The following FOXP2 variants were observed in gnomAD, a reference collection of about 807,000 sequenced individuals.
The protein encoded by FOXP2 is forkhead box P2, also known as forkhead box protein P2.
A neutral mutation model predicts 115.8 loss-of-function variants in FOXP2; 12 were observed. That is an observed-to-expected ratio of 0.10 (90% CI 0.07 to 0.17). FOXP2 has a LOEUF of 0.17. Among genes scored for constraint, FOXP2 ranks in the 10% least tolerant of loss-of-function variants. The pLI is 1.00. For synonymous variants in FOXP2, 328 were observed against 297.7 expected (o/e 1.10, Z -1.05); for missense variants, 629 against 843.5 (o/e 0.75, Z 3.15).
At chr7:114,443,919 T>A (rs1422708447) in intron 2 of FOXP2, among the ~76,000 whole-genome samples, 1 of 152,198 alleles carries the variant, frequency 6.6e-6, no homozygotes, top group African/African-American at 2.4e-5. Context: ...ATGATTTATA[T>A]TCCTCTGGGT....
At chr7:114,685,269 C>T (rs1376971670) in intron 16 of FOXP2, among the ~76,000 whole-genome samples, 2 of 152,074 alleles carry the variant, frequency 1.3e-5, no homozygotes, top group Non-Finnish European at 2.9e-5. Flanking sequence ...CATATGCATA[C>T]AGTAGAGTCC....
intron 2 of FOXP2, among the ~76,000 whole-genome samples, chr7:114,341,818 A>T (rs1426286261): frequency 6.6e-6 from 1 of 151,254 alleles, no homozygotes; most frequent in Admixed American, 6.6e-5. Flanking sequence ...GACTGAATCA[A>T]CTTCCAGGCC....
chr7:114,399,416 T>G (rs1345103940), intron 2 of FOXP2, among the ~76,000 whole-genome samples: 1 of 152,144 alleles, frequency 6.6e-6, no homozygotes, highest in Non-Finnish European at 1.5e-5. Flanking sequence ...CCTTCACTTA[T>G]TTTTTCTTTT....
At chr7:114,606,344 C>A (rs1421543903) in intron 3 of FOXP2, among the ~76,000 whole-genome samples, 1 of 152,036 alleles carries the variant, frequency 6.6e-6, no homozygotes, top group Non-Finnish European at 1.5e-5. Flanking sequence ...GCTTCAAGGG[C>A]CGGTAGATAA....
At chr7:114,622,842 A>C (rs1456024) in intron 3 of FOXP2, among the ~76,000 whole-genome samples, 21,287 of 151,960 alleles carry the variant, frequency 0.14, 1,868 homozygotes, top group African/African-American at 0.25. Context: ...GACAAATAAA[A>C]GATTATTTTT....
At chr7:114,289,568 G>A (rs1427420830) in intron 2 of FOXP2, among the ~76,000 whole-genome samples, 9 of 151,810 alleles carry the variant, frequency 5.9e-5, no homozygotes, top group African/African-American at 1.4e-4. Flanking sequence ...AGCAGATGGA[G>A]TTTAGATTTA....
chr7:114,249,836 A>G (rs1300389983), intron 1 of FOXP2, among the ~76,000 whole-genome samples: 2 of 151,900 alleles, frequency 1.3e-5, no homozygotes, highest in African/African-American at 2.4e-5. Context: ...TCTAGGGTAC[A>G]TGTGCACAAC....
At chr7:114,573,646 C>A (rs1293050305) in intron 3 of FOXP2, among the ~76,000 whole-genome samples, 2 of 151,662 alleles carry the variant, frequency 1.3e-5, no homozygotes, top group Non-Finnish European at 3.0e-5. Flanking sequence ...GTTGATCAGC[C>A]TTCACACACA....
intron 2 of FOXP2, among the ~76,000 whole-genome samples, chr7:114,371,046 A>G (rs917397243): frequency 6.6e-6 from 1 of 152,162 alleles, no homozygotes; most frequent in Non-Finnish European, 1.5e-5. Flanking sequence ...GTAAAATGAA[A>G]GAATGTTAAA....
intron 1 of FOXP2, among the ~76,000 whole-genome samples, chr7:114,102,421 A>G (rs1474731498): frequency 1.3e-5 from 2 of 151,918 alleles, no homozygotes; most frequent in Non-Finnish European, 2.9e-5. Context: ...ATTGATCTCT[A>G]TTGCACTTTC....
intron 1 of FOXP2, among the ~76,000 whole-genome samples, chr7:114,263,292 G>C (rs568216938): frequency 6.6e-6 from 1 of 150,516 alleles, no homozygotes; most frequent in African/African-American, 2.4e-5. Flanking sequence ...CTTGAAATCT[G>C]GTCAATCATA....
At chr7:114,131,541 C>T (rs954782878) in intron 1 of FOXP2, among the ~76,000 whole-genome samples, 4 of 151,292 alleles carry the variant, frequency 2.6e-5, no homozygotes, top group African/African-American at 7.3e-5. Flanking sequence ...GTCGAGCCTG[C>T]TGCAAGGAAT....
intron 1 of FOXP2, among the ~76,000 whole-genome samples, chr7:114,211,261 C>G (rs1008251479): frequency 6.6e-6 from 1 of 152,214 alleles, no homozygotes; most frequent in African/African-American, 2.4e-5. Flanking sequence ...ATGTAAAACT[C>G]CTGGGTCTCT....
intron 2 of FOXP2, among the ~76,000 whole-genome samples, chr7:114,450,199 A>G (rs1795010480): frequency 6.6e-6 from 1 of 152,080 alleles, no homozygotes; most frequent in Non-Finnish European, 1.5e-5. Context: ...ACTTAACCAA[A>G]AACATATGTC....
chr7:114,398,017 G>A (rs925032445), intron 2 of FOXP2, among the ~76,000 whole-genome samples: 6 of 151,850 alleles, frequency 4.0e-5, no homozygotes, highest in Admixed American at 2.0e-4. Flanking sequence ...TGAGAAATTC[G>A]ATGGAGAGTG....
chr7:114,441,700 A>G (rs1404462505), intron 2 of FOXP2, among the ~76,000 whole-genome samples: 3 of 152,202 alleles, frequency 2.0e-5, no homozygotes, highest in Admixed American at 2.0e-4. Flanking sequence ...CAAGTATTTG[A>G]ATGGATATTT....
chr7:114,101,911 G>GTGTA (rs1279634528), intron 1 of FOXP2, among the ~76,000 whole-genome samples: 1 of 148,594 alleles, frequency 6.7e-6, no homozygotes, highest in Non-Finnish European at 1.5e-5. Context: ...GTGTGTGTGT[G>GTGTA]TGTGTGTGTG....
chr7:114,530,170 T>C (rs1799073654), intron 2 of FOXP2, among the ~76,000 whole-genome samples: 1 of 151,840 alleles, frequency 6.6e-6, no homozygotes, highest in South Asian at 2.1e-4. Context: ...ACATAATCGT[T>C]TCTTGTATCA....
At chr7:114,483,165 T>C (rs1474031375) in intron 2 of FOXP2, among the ~76,000 whole-genome samples, 1 of 151,544 alleles carries the variant, frequency 6.6e-6, no homozygotes, top group African/African-American at 2.4e-5. Context: ...CTGTATTTCT[T>C]TCTCACTTAC....
Sources: gnomAD v4.1 joint callset for allele counts (sites outside exome capture counted in the v4.1 genomes callset) on GRCh38, gnomAD v4.1.1 for gene constraint, MANE v1.5 for transcripts, NCBI Gene and HGNC (gene_info 2026-07-23, HGNC 2026-07-21) for gene names.